NSG1: variants seen among roughly 807,000 people sequenced by gnomAD.
NSG1 encodes the protein neuronal vesicle trafficking-associated protein 1.
Under a neutral mutation model 19.3 loss-of-function variants are expected in NSG1, and 9 were observed. The observed-to-expected ratio is 0.47, with a 90% confidence interval of 0.28 to 0.81. NSG1 has a LOEUF of 0.81. Among genes scored for constraint, NSG1 ranks in the 40% least tolerant of loss-of-function variants. The pLI is 0.11. For synonymous variants in NSG1, 104 were observed against 107.0 expected (o/e 0.97, Z 0.17); for missense variants, 236 against 242.4 (o/e 0.97, Z 0.18).
chr4:4,414,694 G>A (rs960482723), intron 4 of NSG1, among the ~76,000 whole-genome samples: 8 of 152,198 alleles, frequency 5.3e-5, no homozygotes, highest in Non-Finnish European at 8.8e-5. Context: ...GTTAGAGGGT[G>A]TACAGAGGCT....
chr4:4,404,517 C>CA (rs33960016), intron 3 of NSG1, among the ~76,000 whole-genome samples: 54,670 of 152,170 alleles, frequency 0.36, 13,731 homozygotes, highest in African/African-American at 0.72. Context: ...TAGTCCCTGG[C>CA]ATGAATGGCT....
At chr4:4,403,485 A>C (rs1723679999) in intron 3 of NSG1, among the ~76,000 whole-genome samples, 2 of 152,284 alleles carry the variant, frequency 1.3e-5, no homozygotes, top group Admixed American at 6.5e-5. Flanking sequence ...TCTGTCTTCA[A>C]GTCGCCGCCT....
intron 3 of NSG1, among the ~76,000 whole-genome samples, chr4:4,403,217 G>A (rs1321641769): frequency 1.3e-5 from 2 of 152,206 alleles, no homozygotes; most frequent in Non-Finnish European, 2.9e-5. Context: ...GGAGAGGTGA[G>A]TGTAACAAAT....
intron 3 of NSG1, among the ~76,000 whole-genome samples, chr4:4,409,047 C>T (rs966028893): frequency 6.6e-6 from 1 of 152,260 alleles, no homozygotes; most frequent in Non-Finnish European, 1.5e-5. Context: ...GGGAAACCGC[C>T]GAGGGCGAAG....
chr4:4,402,693 C>T (rs1415997199), intron 3 of NSG1, among the ~76,000 whole-genome samples: 4 of 152,308 alleles, frequency 2.6e-5, no homozygotes, highest in African/African-American at 4.8e-5. Context: ...CGGCCTTTCT[C>T]CTTTGATTTT....
intron 4 of NSG1, chr4:4,416,145 C>T (rs950392341): frequency 2.8e-6 from 2 of 702,422 alleles, no homozygotes; most frequent in Admixed American, 2.0e-5. Context: ...TCATTGGCCG[C>T]ATTTTATAGG....
chr4:4,417,715 A>G lies in NSG1; in HGVS notation c.*280A>G, dbSNP rs995299181. The G allele has an allele frequency of 4.6e-5, 21 of 456,676 alleles. No homozygotes were observed. The highest frequency in any genetic ancestry group is 6.0e-5 in the Non-Finnish European group (15 of 250,468). The allele number at this position is 456,676 out of a possible 1,614,324, so 28.3% of individuals were successfully genotyped here. A position where few individuals can be genotyped will look rare whatever the true frequency, so the allele number is the denominator to read the frequency against. On this transcript the variant is annotated 3_prime_UTR_variant, in exon 5 of 5. Transcript: ENST00000621129. Reference sequence around the variant, plus strand: ...GGGATTTATTGGATGCTGTAAAAAAATAAATTTACACTGGATATGCGAAGG... The same window carrying G: ...GGGATTTATTGGATGCTGTAAAAAAGTAAATTTACACTGGATATGCGAAGG...
At chr4:4,392,274 G>A (rs1244478571) in intron 3 of NSG1, among the ~76,000 whole-genome samples, 2 of 152,142 alleles carry the variant, frequency 1.3e-5, no homozygotes, top group Non-Finnish European at 2.9e-5. Flanking sequence ...CACGTTGGTT[G>A]AAGAACAAGT....
chr4:4,410,004 C>T (rs1724085936), intron 4 of NSG1, among the ~76,000 whole-genome samples: 1 of 152,248 alleles, frequency 6.6e-6, no homozygotes, highest in South Asian at 2.1e-4. Flanking sequence ...ATGATACCTA[C>T]CGGATCCCAG....
At chr4:4,399,757 G>A (rs1437158843) in intron 3 of NSG1, among the ~76,000 whole-genome samples, 1 of 152,168 alleles carries the variant, frequency 6.6e-6, no homozygotes, top group African/African-American at 2.4e-5. Context: ...ACTGACCAGG[G>A]AGCAGGGGAT....
intron 4 of NSG1, among the ~76,000 whole-genome samples, chr4:4,414,929 A>G (rs1487416192): frequency 1.3e-5 from 2 of 151,924 alleles, no homozygotes; most frequent in Non-Finnish European, 2.9e-5. Flanking sequence ...CCGAGAGGAC[A>G]CTAGGTTTCT....
chr4:4,400,241 G>T (rs903236899), intron 3 of NSG1, among the ~76,000 whole-genome samples: 1 of 152,136 alleles, frequency 6.6e-6, no homozygotes, highest in Admixed American at 6.5e-5. Flanking sequence ...GAATGGTCTT[G>T]GCCCCCTTAT....
chr4:4,409,123 A>T (rs1327043549), intron 3 of NSG1, among the ~76,000 whole-genome samples: 1 of 152,232 alleles, frequency 6.6e-6, no homozygotes, highest in Non-Finnish European at 1.5e-5. Flanking sequence ...TGTCCATGCG[A>T]CACTGCGTCC....
chr4:4,412,899 G>C (rs1166981046), intron 4 of NSG1, among the ~76,000 whole-genome samples: 1 of 152,294 alleles, frequency 6.6e-6, no homozygotes, highest in South Asian at 2.1e-4. Flanking sequence ...CTTGGGTTTG[G>C]GTTTCATTTA....
chr4:4,397,846 T>A (rs1723338901), intron 3 of NSG1, among the ~76,000 whole-genome samples: 1 of 152,170 alleles, frequency 6.6e-6, no homozygotes, highest in Admixed American at 6.5e-5. Flanking sequence ...ACTCCTCAGG[T>A]CTCCCTTGCC....
chr4:4,405,459 C>A (rs572311223), intron 3 of NSG1, among the ~76,000 whole-genome samples: 2 of 152,162 alleles, frequency 1.3e-5, no homozygotes, highest in African/African-American at 2.4e-5. Flanking sequence ...TCCTGAGATG[C>A]GTCAGGGTGT....
intron 3 of NSG1, among the ~76,000 whole-genome samples, chr4:4,392,658 CCTT>C (rs1292922098): frequency 6.6e-6 from 1 of 152,210 alleles, no homozygotes; most frequent in Admixed American, 6.5e-5. Flanking sequence ...TTCAGTCCCT[CCTT>C]CTTCCCGTTG....
intron 3 of NSG1, among the ~76,000 whole-genome samples, chr4:4,392,424 C>T (rs1723043476): frequency 6.6e-6 from 1 of 152,200 alleles, no homozygotes; most frequent in Non-Finnish European, 1.5e-5. Context: ...GTCTGGCTCT[C>T]TGGTCACCCT....
chr4:4,408,862 G>GCCCCA (rs1724011475), intron 3 of NSG1, among the ~76,000 whole-genome samples: 1 of 152,034 alleles, frequency 6.6e-6, no homozygotes, highest in Non-Finnish European at 1.5e-5. Context: ...CCCATGCCCC[G>GCCCCA]TGCCCTCCAG....
Sources: gnomAD v4.1 joint callset for allele counts (sites outside exome capture counted in the v4.1 genomes callset) on GRCh38, gnomAD v4.1.1 for gene constraint, MANE v1.5 for transcripts, NCBI Gene and HGNC (gene_info 2026-07-23, HGNC 2026-07-21) for gene names.